TMEM160: variants seen among roughly 807,000 people sequenced by gnomAD.
TMEM160 encodes the protein transmembrane protein 160.
A neutral mutation model predicts 13.9 loss-of-function variants in TMEM160; 10 were observed. The observed-to-expected ratio is 0.72, with a 90% CI of 0.45 to 1.22. The LOEUF is 1.22. TMEM160 is among the 50% of genes most tolerant of loss of function. The pLI, the probability that TMEM160 is intolerant of heterozygous loss-of-function variation, is 0.00. For missense variants in TMEM160, 287 were observed against 283.2 expected, an observed-to-expected ratio of 1.01 and a Z score of -0.10; for synonymous variants, 159 against 134.8, an observed-to-expected ratio of 1.18 and a Z score of -1.25.
At position 47,048,604 on chromosome 19, in the gene TMEM160, C is replaced by T; in HGVS notation, c.11G>A (p.Gly4Asp). MGGGWWWARAARLA... is the reference protein window; with the variant it reads MGGDWWWARAARLA... ...GCGAGCGGCCCGAGCCCACCACCAG[C>T]CGCCTCCCATGATTCGCACTACGGC... The change falls in exon 1 of 3, where the codon GGC (glycine) becomes GAC (aspartate). Residue 4 changes from glycine (G) to aspartate (D), a missense_variant. Coordinates refer to ENST00000253047, the MANE Select transcript of TMEM160 (RefSeq NM_017854.2). The T allele has an allele frequency of 6.5e-7, 1 of 1,534,878 alleles. No homozygotes were observed. The highest frequency in any genetic ancestry group is 8.7e-7 in the Non-Finnish European group (1 of 1,150,462).
At chr19:47,047,017 C>T (rs1208793340) in intron 1 of TMEM160, among the ~76,000 whole-genome samples, 2 of 152,174 alleles carry the variant, frequency 1.3e-5, no homozygotes, top group Non-Finnish European at 2.9e-5. Context: ...TGAGACCAGC[C>T]TGGCCAACAT....
At position 47,045,959 on chromosome 19, in the gene TMEM160, C is replaced by A. The variant is rs2057075996; in HGVS notation, c.*28G>T. The stretch of plus-strand genomic sequence containing the variant: ...GTCCCAGTCCTCGGGCGCTGTCCAG[C>A]GCCTGCCAGGCCCCACGGCCGTGTC... On this transcript the variant is annotated 3_prime_UTR_variant, in exon 3 of 3. Transcript: ENST00000253047. 3 of 1,521,794 alleles carry A rather than the reference C, an allele frequency of 2.0e-6. No homozygotes were observed. Among genetic ancestry groups the A allele is most frequent in the Non-Finnish European group, 2.6e-6 (3 of 1,142,014 alleles). 94.3% of individuals were successfully genotyped at this position (1,521,794 alleles called of 1,614,324 possible).
chr19:47,048,530 G>T lies in TMEM160; in HGVS notation c.85C>A (p.Arg29=). 6.7e-7 allele frequency: 1 copy of T among 1,494,106 alleles called. No individual in the cohort carries two copies. The highest frequency in any genetic ancestry group is 8.9e-7 in the Non-Finnish European group (1 of 1,129,406). 92.6% of individuals were successfully genotyped at this position (1,494,106 alleles called of 1,614,324 possible). A position where few individuals can be genotyped will look rare whatever the true frequency, so the allele number is the denominator to read the frequency against. The stretch of plus-strand genomic sequence containing the variant: ...AAGGACCCCCGGGCGCCCCCGCTCC[G>T]GGGCCGCTGAGGCGGCAGTAGCGAC... The part of the protein sequence containing the change: ...RRSLLPPQRP[R]SGGARGSFAP... The change falls in exon 1 of 3, where the codon CGG becomes AGG. Residue 29 remains arginine (R), a synonymous_variant. Coordinates refer to ENST00000253047, the MANE Select transcript of TMEM160 (RefSeq NM_017854.2).
chr19:47,048,359 C>T (rs1182246054), intron 1 of TMEM160, 48 bp downstream of exon 1: 2 of 1,422,866 alleles, frequency 1.4e-6, no homozygotes, highest in African/African-American at 1.5e-5. Context: ...CCCACGCGAG[C>T]CCGGGACCCC....
chr19:47,047,310 C>G (rs1599931325), intron 1 of TMEM160: 1 of 985,464 alleles, frequency 1.0e-6, no homozygotes, highest in East Asian at 1.1e-4. Flanking sequence ...TGGCCAAACC[C>G]CTCCCTCTAC....
intron 1 of TMEM160, 131 bp downstream of exon 1, chr19:47,048,276 C>T (rs964078536): frequency 6.0e-5 from 49 of 815,390 alleles, no homozygotes; most frequent in Non-Finnish European, 8.6e-5. Context: ...CGCTTCCGTG[C>T]GCTCACACTG....
At chr19:47,047,662 C>T in intron 1 of TMEM160, 1 of 833,444 alleles carries the variant, frequency 1.2e-6, no homozygotes, top group Non-Finnish European at 1.4e-6. Flanking sequence ...CCAGCCTGGG[C>T]AACAAAGCAA....
chr19:47,046,709 G>C (rs747016439), intron 1 of TMEM160, 24 bp from the exon 2 acceptor site: 1 of 1,542,478 alleles, frequency 6.5e-7, no homozygotes, highest in Non-Finnish European at 9.0e-7. Context: ...GACATGGGGG[G>C]ATTAACATCA....
Position 47,046,198 on chromosome 19 carries a change from ACGG to A in TMEM160, c.353_355del (p.Ala118del). ...GGGTCCTCGCAGCGCCGCCAGGCCCACGGCGTACGAGGCGCTGCCCCACACCAC... is the reference window on the plus strand; with the variant it reads ...GGGTCCTCGCAGCGCCGCCAGGCCCACGTACGAGGCGCTGCCCCACACCAC... On this transcript the variant is annotated inframe_deletion, in exon 3 of 3. Coordinates refer to ENST00000253047, the MANE Select transcript of TMEM160 (RefSeq NM_017854.2). 1 of 1,526,682 alleles carries A rather than the reference ACGG, an allele frequency of 6.6e-7. No individual in the cohort carries two copies. Among genetic ancestry groups the A allele is most frequent in the Non-Finnish European group, 8.7e-7 (1 of 1,143,548 alleles). The allele number at this position is 1,526,682 out of a possible 1,614,324, so 94.6% of individuals were successfully genotyped here.
rs2057076837 is a variant in TMEM160 at position 47,046,054 on chromosome 19, A to ACCAGCTCCACGT, written c.488_499dup (p.Asp163_Leu166dup). On this transcript the variant is annotated inframe_insertion, in exon 3 of 3. Coordinates refer to ENST00000253047, the MANE Select transcript of TMEM160 (RefSeq NM_017854.2). ...GGAGGCCGTCCCGTCGTCCTCGGGC[A>ACCAGCTCCACGT]CCAGCTCCACGTCCAGCTCCAGCTG... The ACCAGCTCCACGT allele has an allele frequency of 1.9e-6, 3 of 1,548,174 alleles. No homozygotes were observed. The highest frequency in any genetic ancestry group is 1.9e-5 in the Admixed American group (1 of 52,900).
intron 1 of TMEM160, chr19:47,047,497 C>T (rs2057086855): frequency 6.1e-6 from 6 of 985,454 alleles, no homozygotes; most frequent in Non-Finnish European, 7.2e-6. Context: ...TGGGCCAATC[C>T]CACCCACGTC....
Position 47,048,564 on chromosome 19 carries a change from G to A in TMEM160, c.51C>T (p.Arg17=). ...WARAARLARL[R]FRRSLLPPQR... The stretch of plus-strand genomic sequence containing the variant: ...GAGGCGGCAGTAGCGACCTCCGGAA[G>A]CGAAGACGGGCAAGGCGAGCGGCCC... Residue 17 remains arginine (R), a synonymous_variant, in exon 1 of 3, where the codon CGC becomes CGT. Coordinates refer to ENST00000253047, the MANE Select transcript of TMEM160 (RefSeq NM_017854.2). The A allele has an allele frequency of 5.3e-6, 8 of 1,516,696 alleles. No homozygotes were observed. Among genetic ancestry groups the A allele is most frequent in the Non-Finnish European group, 7.0e-6 (8 of 1,140,948 alleles). 94.0% of individuals were successfully genotyped at this position (1,516,696 alleles called of 1,614,324 possible). A position where few individuals can be genotyped will look rare whatever the true frequency, so the allele number is the denominator to read the frequency against.
intron 2 of TMEM160, 25 bp downstream of exon 2, chr19:47,046,568 G>C (rs890884970): frequency 4.4e-6 from 7 of 1,591,138 alleles, no homozygotes; most frequent in Middle Eastern, 1.7e-4. Context: ...GGTTCCGTGG[G>C]GCGAGAGGGG....
chr19:47,046,589 T>G lies in TMEM160; in HGVS notation c.301+4A>C. ...GTGGGGCGAGAGGGGGGGTCTGCACTCACCATATGCTGCTTCCCGACCCAT... is the reference window on the plus strand; with the variant it reads ...GTGGGGCGAGAGGGGGGGTCTGCACGCACCATATGCTGCTTCCCGACCCAT... On this transcript the variant is annotated splice_donor_region_variant and intron_variant, in intron 2 of 2. Transcript: ENST00000253047. 1.9e-6 allele frequency: 3 copies of G among 1,611,596 alleles called. No individual in the cohort carries two copies. The highest frequency in any genetic ancestry group is 2.5e-6 in the Non-Finnish European group (3 of 1,178,788).
Position 47,047,204 on chromosome 19 carries a change from C to G in TMEM160, c.209-519G>C, listed in dbSNP as rs8105893. 6,091 of 935,540 alleles carry G rather than the reference C, an allele frequency of 6.5e-3. 281 individuals are homozygous for G. In the African/African-American group the frequency reaches 0.1, roughly 16 times the overall value. The allele number at this position is 935,540 out of a possible 1,614,324, so 58.0% of individuals were successfully genotyped here. ...CAGCCTGGGCGACAGAGTGAGACTC[C>G]GTCTCAAAAAAAATAAAGGATTCAA... On this transcript the variant is annotated intron_variant, in intron 1 of 2. Coordinates refer to ENST00000253047, the MANE Select transcript of TMEM160 (RefSeq NM_017854.2).
At chr19:47,046,450 T>G (rs1599930638) in intron 2 of TMEM160, 143 bp downstream of exon 2, 1 of 911,306 alleles carries the variant, frequency 1.1e-6, no homozygotes, top group Non-Finnish European at 1.7e-6. Flanking sequence ...ATGGGAGGGG[T>G]GTCTTCTGGT....
In TMEM160 at chr19:47,046,177, C is replaced by G; in HGVS notation, c.377G>C (p.Gly126Ala). The G allele has an allele frequency of 6.6e-7, 1 of 1,506,660 alleles. No homozygotes were observed. Among genetic ancestry groups the G allele is most frequent in the Non-Finnish European group, 8.8e-7 (1 of 1,135,736 alleles). The allele number at this position is 1,506,660 out of a possible 1,614,324, so 93.3% of individuals were successfully genotyped here. The change falls in exon 3 of 3, where the codon GGA (glycine) becomes GCA (alanine). Residue 126 changes from glycine (G) to alanine (A), a missense_variant. Transcript: ENST00000253047. ...SYAVGLAALR[G>A]PMQLTLGGAA... ...GCCCCCCAGCGTCAGCTGCATGGGT[C>G]CTCGCAGCGCCGCCAGGCCCACGGC...
At position 47,046,159 on chromosome 19, in the gene TMEM160, A is replaced by C; in HGVS notation, c.395T>G (p.Leu132Arg). ...GCCCGCGCCCACGGCCGCGCCCCCC[A>C]GCGTCAGCTGCATGGGTCCTCGCAG... ...AALRGPMQLT[L>R]GGAAVGAGAV... The change falls in exon 3 of 3, where the codon CTG (leucine) becomes CGG (arginine). Residue 132 changes from leucine (L) to arginine (R), a missense_variant. Coordinates refer to ENST00000253047, the MANE Select transcript of TMEM160 (RefSeq NM_017854.2). The C allele has an allele frequency of 6.8e-7, 1 of 1,475,780 alleles. No homozygotes were observed. Among genetic ancestry groups the C allele is most frequent in the Middle Eastern group, 2.2e-4 (1 of 4,598 alleles). The allele number at this position is 1,475,780 out of a possible 1,614,324, so 91.4% of individuals were successfully genotyped here. A position where few individuals can be genotyped will look rare whatever the true frequency, so the allele number is the denominator to read the frequency against.
chr19:47,045,956 C>T lies in TMEM160; in HGVS notation c.*31G>A, dbSNP rs1168495842. 2 of 1,517,016 alleles carry T rather than the reference C, an allele frequency of 1.3e-6. No individual in the cohort carries two copies. Among genetic ancestry groups the T allele is most frequent in the East Asian group, 5.1e-5 (2 of 39,386 alleles). 94.0% of individuals were successfully genotyped at this position (1,517,016 alleles called of 1,614,324 possible). On this transcript the variant is annotated 3_prime_UTR_variant, in exon 3 of 3. Transcript: ENST00000253047. ...AATGTCCCAGTCCTCGGGCGCTGTC[C>T]AGCGCCTGCCAGGCCCCACGGCCGT... is the stretch of plus-strand genomic sequence containing the variant.
Sources: allele counts gnomAD v4.1 joint callset (sites outside exome capture counted in the v4.1 genomes callset), GRCh38; gene constraint gnomAD v4.1.1; transcripts MANE v1.5; gene names NCBI Gene and HGNC (gene_info 2026-07-23, HGNC 2026-07-21).